The following OSBPL1A variants were observed in gnomAD, a reference collection of about 807,000 sequenced individuals.
The protein encoded by OSBPL1A is oxysterol binding protein like 1A.
OSBPL1A carries 80 observed loss-of-function variants against 137.1 expected under a neutral mutation model. The ratio of observed to expected loss-of-function variants is 0.58; its 90% CI spans 0.49 to 0.70. The LOEUF is 0.70. Ranked by LOEUF, OSBPL1A falls within the 30% of genes least tolerant of loss-of-function variation. The probability of loss-of-function intolerance (pLI) is 0.00; values close to 1 mark genes in which losing one functional copy is unlikely to be tolerated. For missense variants in OSBPL1A, 970 were observed against 1,129.4 expected (o/e 0.86, Z 2.02); for synonymous variants, 365 against 389.7 (o/e 0.94, Z 0.75).
At chr18:24,274,095 A>G (rs2089788867) in intron 15 of OSBPL1A, among the ~76,000 whole-genome samples, 4 of 151,948 alleles carry the variant, frequency 2.6e-5, no homozygotes. Context: ...TTAGCAGGGT[A>G]TGGTGGTGTG....
chr18:24,165,380 C>T (rs2086123434), intron 26 of OSBPL1A, among the ~76,000 whole-genome samples: 1 of 152,216 alleles, frequency 6.6e-6, no homozygotes, highest in Non-Finnish European at 1.5e-5. Flanking sequence ...ACAGCCTATG[C>T]TCTTAACAAC....
intron 1 of OSBPL1A, among the ~76,000 whole-genome samples, chr18:24,386,749 C>T (rs1056500032): frequency 6.6e-6 from 1 of 152,062 alleles, no homozygotes; most frequent in African/African-American, 2.4e-5. Flanking sequence ...CGCTTGAGCC[C>T]AGGAGTTTGA....
At chr18:24,166,837 T>C (rs1199984429) in intron 25 of OSBPL1A, 135 bp from the exon 26 acceptor site, 1 of 885,204 alleles carries the variant, frequency 1.1e-6, no homozygotes, top group Admixed American at 3.2e-5. Flanking sequence ...CTTTCTCAGA[T>C]CACACGTATC....
chr18:24,377,340 G>T, intron 2 of OSBPL1A, 73 bp downstream of exon 2: 1 of 1,473,920 alleles, frequency 6.8e-7, no homozygotes, highest in Admixed American at 2.4e-5. Flanking sequence ...AGATAAGAAA[G>T]GTTAGCATTA....
chr18:24,341,523 T>G (rs1180178815), intron 5 of OSBPL1A, 24 bp downstream of exon 5: 1 of 1,552,840 alleles, frequency 6.4e-7, no homozygotes, highest in Non-Finnish European at 8.9e-7. Context: ...AAATGCTGTT[T>G]ATGTTCACAT....
intron 13 of OSBPL1A, among the ~76,000 whole-genome samples, chr18:24,308,770 GA>G (rs2090557787): frequency 6.7e-6 from 1 of 148,746 alleles, no homozygotes; most frequent in Non-Finnish European, 1.5e-5. Context: ...ATGAACAACT[GA>G]ATTTTTTTTT....
intron 21 of OSBPL1A, among the ~76,000 whole-genome samples, chr18:24,173,069 T>TA (rs1312557888): frequency 6.6e-6 from 1 of 152,148 alleles, no homozygotes; most frequent in African/African-American, 2.4e-5. Flanking sequence ...TATGAAGCCA[T>TA]AAAAAAGAAC....
chr18:24,377,307 GAGAT>G (rs1906255394), intron 2 of OSBPL1A, 102 bp downstream of exon 2: 1 of 1,330,818 alleles, frequency 7.5e-7, no homozygotes, highest in African/African-American at 1.5e-5. Context: ...CCTAGCATGA[GAGAT>G]AGAGATTAAT....
At chr18:24,336,996 G>C (rs183215861) in intron 5 of OSBPL1A, among the ~76,000 whole-genome samples, 1 of 152,196 alleles carries the variant, frequency 6.6e-6, no homozygotes, top group African/African-American at 2.4e-5. Context: ...CTTTACAGTG[G>C]ACCACAAAGT....
intron 2 of OSBPL1A, among the ~76,000 whole-genome samples, chr18:24,375,128 A>G (rs1396956526): frequency 6.6e-6 from 1 of 151,966 alleles, no homozygotes; most frequent in Non-Finnish European, 1.5e-5. Context: ...CAGCCTGGGG[A>G]ACACAGCAAG....
At chr18:24,185,473 C>T (rs1016327486) in intron 18 of OSBPL1A, among the ~76,000 whole-genome samples, 1 of 152,076 alleles carries the variant, frequency 6.6e-6, no homozygotes, top group African/African-American at 2.4e-5. Context: ...GCACGTGCTA[C>T]CACGCCCAGC....
intron 15 of OSBPL1A, among the ~76,000 whole-genome samples, chr18:24,258,570 A>G (rs2089351856): frequency 1.3e-5 from 2 of 152,234 alleles, no homozygotes; most frequent in Admixed American, 1.3e-4. Context: ...ATTTGATAGC[A>G]TAACAGGGTG....
intron 20 of OSBPL1A, among the ~76,000 whole-genome samples, 171 bp from the exon 21 acceptor site, chr18:24,178,366 A>G (rs2086510196): frequency 6.6e-6 from 1 of 152,134 alleles, no homozygotes; most frequent in African/African-American, 2.4e-5. Flanking sequence ...ATCTTGGCTC[A>G]CTGCAACCCC....
In OSBPL1A at chr18:24,334,247, G is replaced by T; in HGVS notation, c.478C>A (p.Leu160Met). The change falls in exon 6 of 28, where the codon CTG (leucine) becomes ATG (methionine). Residue 160 changes from leucine (L) to methionine (M), a missense_variant and splice_region_variant. This residue lies in a region of OSBPL1A where 647 missense variants were observed against 672.6 expected (regional missense o/e 0.96). Coordinates refer to ENST00000319481, the MANE Select transcript of OSBPL1A (RefSeq NM_080597.4). The stretch of plus-strand genomic sequence containing the variant: ...TGGGGGTTTTTTGTTTGTTTTACCA[G>T]AGCTGTGAGTTCTGTTGTTTTGCCT... ...REGKTTELTA[L>M]LNRPNPPDVN... is the part of the protein sequence containing the mutation. 6.2e-7 allele frequency: 1 copy of T among 1,606,390 alleles called. No individual in the cohort carries two copies.
chr18:24,204,404 G>T (rs2087310664), intron 17 of OSBPL1A, among the ~76,000 whole-genome samples: 1 of 151,704 alleles, frequency 6.6e-6, no homozygotes, highest in African/African-American at 2.4e-5. Context: ...AATTTTTTTT[G>T]TATGTGATAG....
intron 5 of OSBPL1A, among the ~76,000 whole-genome samples, chr18:24,337,423 A>ACATAACATAAC (rs1568036781): frequency 2.0e-5 from 3 of 151,704 alleles, no homozygotes; most frequent in Non-Finnish European, 4.4e-5. Flanking sequence ...ACATAACATA[A>ACATAACATAAC]AGCCAGGCAT....
intron 15 of OSBPL1A, among the ~76,000 whole-genome samples, chr18:24,264,741 A>G (rs2089529975): frequency 6.6e-6 from 1 of 152,200 alleles, no homozygotes; most frequent in African/African-American, 2.4e-5. Flanking sequence ...GCTTATATAG[A>G]TGGCCACATC....
At chr18:24,324,975 A>G (rs749064711) in intron 7 of OSBPL1A, among the ~76,000 whole-genome samples, 7 of 151,812 alleles carry the variant, frequency 4.6e-5, no homozygotes, top group Admixed American at 6.6e-5. Context: ...AATCCCAGCC[A>G]CGCGGGAGGC....
intron 15 of OSBPL1A, among the ~76,000 whole-genome samples, chr18:24,266,245 T>C (rs2089569377): frequency 6.6e-6 from 1 of 152,198 alleles, no homozygotes; most frequent in Admixed American, 6.5e-5. Flanking sequence ...ACGCTCTCCC[T>C]GGCTCTGTCT....
Sources: allele counts gnomAD v4.1 joint callset (sites outside exome capture counted in the v4.1 genomes callset), GRCh38; gene constraint gnomAD v4.1.1; regional missense constraint gnomAD v4.1.1; transcripts MANE v1.5; gene names NCBI Gene and HGNC (gene_info 2026-07-23, HGNC 2026-07-21).